Variants in MYO18A observed in about 807,000 individuals in gnomAD.
The protein encoded by MYO18A is unconventional myosin-XVIIIa.
In MYO18A, 78 loss-of-function variants were observed where a neutral mutation model predicts 235.8. The observed-to-expected ratio is 0.33, with a 90% CI of 0.28 to 0.40. The LOEUF (loss-of-function observed/expected upper bound fraction) is 0.40, where lower values mean the gene tolerates loss of function less well. Among genes scored for constraint, MYO18A ranks in the 10% least tolerant of loss-of-function variants. The probability of loss-of-function intolerance (pLI) is 1.00; values close to 1 mark genes in which losing one functional copy is unlikely to be tolerated. For synonymous variants in MYO18A, 977 were observed against 1,077.8 expected (o/e 0.91, Z 1.83); for missense variants, 2,215 against 2,699.3 (o/e 0.82, Z 3.98).
At chr17:29,159,781 G>C (rs1020715157) in intron 2 of MYO18A, among the ~76,000 whole-genome samples, 1 of 152,176 alleles carries the variant, frequency 6.6e-6, no homozygotes, top group African/African-American at 2.4e-5. Context: ...CTACCCAGGG[G>C]TCTAGGGCTT....
Position 29,166,126 on chromosome 17 carries a change from G to A in MYO18A, c.815C>T (p.Pro272Leu). 1 of 1,613,300 alleles carries A rather than the reference G, an allele frequency of 6.2e-7. No homozygotes were observed. Among genetic ancestry groups the A allele is most frequent in the Non-Finnish European group, 8.5e-7 (1 of 1,179,892 alleles). ...ATTAATCTCCACCAGTCGATCTCCT[G>A]GCACCAGCCCCAGGGCCAGGTCCTT... ...GTKDLALGLV[P>L]GDRLVEINGH... The change falls in exon 2 of 42, where the codon CCA becomes CTA. Residue 272 changes from proline (P) to leucine (L), a missense_variant. Pro to Leu is a moderately conservative substitution (Grantham distance 98). Coordinates refer to ENST00000527372, the MANE Select transcript of MYO18A (RefSeq NM_078471.4).
rs754129009 is a variant in MYO18A at position 29,092,725 on chromosome 17, G to T, written c.5073+130C>A. ...CCTGGGGAGTCTAGCTGCTACACGT[G>T]GCTCTCCCCTCTTTCCTGTCACTTT... On this transcript the variant is annotated intron_variant, in intron 33 of 41. Transcript: ENST00000527372. 5.5e-6 allele frequency: 7 copies of T among 1,283,130 alleles called. No homozygotes were observed. The Middle Eastern group carries it at 6.6e-4, about 120-fold the overall frequency. The allele number at this position is 1,283,130 out of a possible 1,614,324, so 79.5% of individuals were successfully genotyped here. A position where few individuals can be genotyped will look rare whatever the true frequency, so the allele number is the denominator to read the frequency against.
intron 21 of MYO18A, among the ~76,000 whole-genome samples, chr17:29,102,618 T>C (rs1049294692): frequency 1.3e-5 from 2 of 151,136 alleles, no homozygotes; most frequent in Non-Finnish European, 3.0e-5. Flanking sequence ...AACCAAGGAA[T>C]AGAGACCAGC....
chr17:29,130,496 A>T (rs866372175), intron 2 of MYO18A, among the ~76,000 whole-genome samples: 11,909 of 148,074 alleles, frequency 0.08, 662 homozygotes, highest in Middle Eastern at 0.12. Flanking sequence ...ACACACACAC[A>T]CACACACACA....
At chr17:29,122,531 T>C (rs1406933582) in intron 2 of MYO18A, among the ~76,000 whole-genome samples, 1 of 152,124 alleles carries the variant, frequency 6.6e-6, no homozygotes, top group Admixed American at 6.5e-5. Flanking sequence ...GACACAGGGA[T>C]CTTGTGCCCA....
At chr17:29,095,854 A>C (rs2066507064) in intron 28 of MYO18A, among the ~76,000 whole-genome samples, 1 of 152,198 alleles carries the variant, frequency 6.6e-6, no homozygotes, top group African/African-American at 2.4e-5. Context: ...GCAGGGCAGC[A>C]CAGTAACTAG....
At position 29,117,960 on chromosome 17, in the gene MYO18A, G is replaced by T; in HGVS notation, c.2038+85C>A. 1 of 1,457,742 alleles carries T rather than the reference G, an allele frequency of 6.9e-7. No individual in the cohort carries two copies. Among genetic ancestry groups the T allele is most frequent in the Non-Finnish European group, 9.3e-7 (1 of 1,077,312 alleles). The allele number at this position is 1,457,742 out of a possible 1,614,324, so 90.3% of individuals were successfully genotyped here. On this transcript the variant is annotated intron_variant, in intron 10 of 41. Transcript: ENST00000527372. The surrounding 1 kb of genome is among the most constrained non-coding windows in gnomAD (Gnocchi z 4.6). ...GTCTCAGAACGGCTAAGTCTGTGCT[G>T]GGCAAGAATAAACTGGGAGTGGGCA...
chr17:29,120,902 G>A lies in MYO18A; in HGVS notation c.1585+96C>T, dbSNP rs778502205. 9.6e-6 allele frequency: 15 copies of A among 1,559,292 alleles called. No homozygotes were observed. The highest frequency in any genetic ancestry group is 2.7e-5 in the African/African-American group (2 of 73,888). ...AGAGGGGTTTCGGGGGGATGGAAAG[G>A]CCAGGGAGAAAAAGAGCTGGCACTT... On this transcript the variant is annotated intron_variant, in intron 6 of 41. Coordinates refer to ENST00000527372, the MANE Select transcript of MYO18A (RefSeq NM_078471.4). This position sits in a 1 kb window ranked among gnomAD's most constrained non-coding sequence, Gnocchi z 4.2.
At chr17:29,170,525 C>T (rs775287674) in intron 1 of MYO18A, among the ~76,000 whole-genome samples, 1 of 152,208 alleles carries the variant, frequency 6.6e-6, no homozygotes, top group Non-Finnish European at 1.5e-5. Context: ...CTATCCCGGG[C>T]TGCAGTTTCC....
At chr17:29,147,381 G>A (rs1270275804) in intron 2 of MYO18A, among the ~76,000 whole-genome samples, 1 of 151,914 alleles carries the variant, frequency 6.6e-6, no homozygotes, top group Non-Finnish European at 1.5e-5. Flanking sequence ...GCTGGGTGTG[G>A]TGGTGGCATG....
rs374576391 is a variant in MYO18A, at chr17:29,087,078, T to A, written c.5570A>T (p.Glu1857Val). 32 of 1,613,956 alleles carry A rather than the reference T, an allele frequency of 2.0e-5. 1 individual carries two copies. In the East Asian group the frequency reaches 2.7e-4, roughly 13 times the overall value. The stretch of plus-strand genomic sequence containing the variant: ...GGCTGCAATGCGCTGATCCCGCTCC[T>A]CAGTCAGCTTCTCCATGTTTTCCTT... ...RLKENMEKLT[E>V]ERDQRIAAEN... The change falls in exon 38 of 42, where the codon GAG becomes GTG. Residue 1857 changes from glutamate (E) to valine (V), a missense_variant. Coordinates refer to ENST00000527372, the MANE Select transcript of MYO18A (RefSeq NM_078471.4).
rs2066527462 is a variant in MYO18A at position 29,096,749 on chromosome 17, G to A, written c.4385+12C>T. 3.1e-6 allele frequency: 5 copies of A among 1,590,122 alleles called. No homozygotes were observed. The highest frequency in any genetic ancestry group is 4.3e-6 in the Non-Finnish European group (5 of 1,167,032). On this transcript the variant is annotated intron_variant, in intron 28 of 41. Coordinates refer to ENST00000527372, the MANE Select transcript of MYO18A (RefSeq NM_078471.4). ...GAAGGTTCTCTGGGCCCAGGGCAGG[G>A]GGCCCACCCACCTCCTCTGCTTCTT...
chr17:29,093,459 T>G, intron 31 of MYO18A, 32 bp from the exon 32 acceptor site: 1 of 1,552,936 alleles, frequency 6.4e-7, no homozygotes, highest in Non-Finnish European at 8.8e-7. Context: ...GACCCGTCCG[T>G]CCCTTTAGTG....
chr17:29,108,257 A>G (rs2066841459), intron 19 of MYO18A, among the ~76,000 whole-genome samples: 1 of 152,048 alleles, frequency 6.6e-6, no homozygotes, highest in Admixed American at 6.5e-5. Flanking sequence ...GGTGACCAAA[A>G]AGACTTGTAG....
At chr17:29,100,604 T>A (rs1217808354) in intron 21 of MYO18A, among the ~76,000 whole-genome samples, 1 of 152,042 alleles carries the variant, frequency 6.6e-6, no homozygotes. Context: ...CAAAGGGAAG[T>A]GTGTGTGAAA....
At position 29,094,866 on chromosome 17, in the gene MYO18A, T is replaced by A. The variant is rs1411195594; in HGVS notation, c.4510-16A>T. 5.6e-6 allele frequency: 9 copies of A among 1,613,902 alleles called. No homozygotes were observed. Among genetic ancestry groups the A allele is most frequent in the African/African-American group, 1.3e-5 (1 of 74,932 alleles). ...TGTCTTTTTCCTGGAGCAAAAGAGA[T>A]GAGGCTGGTGCAGGGCTGACCCCAG... On this transcript the variant is annotated splice_polypyrimidine_tract_variant and intron_variant, in intron 29 of 41. Coordinates refer to ENST00000527372, the MANE Select transcript of MYO18A (RefSeq NM_078471.4).
chr17:29,166,206 G>A lies in MYO18A; in HGVS notation c.735C>T (p.Pro245=), dbSNP rs768371847. 7 of 1,612,794 alleles carry A rather than the reference G, an allele frequency of 4.3e-6. No homozygotes were observed. Among genetic ancestry groups the A allele is most frequent in the South Asian group, 1.1e-5 (1 of 91,084 alleles). ...CCACACGCCGACAGGCCTGGCCCTC[G>A]GGGCCCCGATCCAGCATGGTTGTGC... ...LRRTTMLDRG[P]EGQACRRVVH... Residue 245 remains proline (P), a synonymous_variant, in exon 2 of 42, where the codon CCC becomes CCT. Coordinates refer to ENST00000527372, the MANE Select transcript of MYO18A (RefSeq NM_078471.4).
rs745311924 is a variant in MYO18A, at chr17:29,092,880, C to T, written c.5048G>A (p.Arg1683Gln). 2.3e-5 allele frequency: 37 copies of T among 1,613,830 alleles called. No homozygotes were observed. The highest frequency in any genetic ancestry group is 1.0e-4 in the Admixed American group (6 of 60,010). The part of the protein sequence containing the change: ...DHLKNSAPSK[R>Q]EIAQLKNQLE... Reference sequence around the variant, plus strand: ...CTGGTTCTTGAGCTGGGCAATCTCTCGCTTGCTGGGAGCACTGTTCTTCAG... The same window carrying T: ...CTGGTTCTTGAGCTGGGCAATCTCTTGCTTGCTGGGAGCACTGTTCTTCAG... Residue 1683 changes from arginine to glutamine, a missense_variant, in exon 33 of 42, where the codon CGA becomes CAA. Physicochemically the swap from Arg to Gln is conservative, Grantham distance 43. Coordinates refer to ENST00000527372, the MANE Select transcript of MYO18A (RefSeq NM_078471.4).
chr17:29,140,581 G>T lies in MYO18A; in HGVS notation c.1000-18328C>A. ...AGTGTGTGTGGAAGGGAAGGAGAAG[G>T]CTCTTAGGGTAAAGCCATTGGGGTG... is the stretch of plus-strand genomic sequence containing the variant. On this transcript the variant is annotated intron_variant, in intron 2 of 41. Transcript: ENST00000527372. This position sits in a 1 kb window ranked among gnomAD's most constrained non-coding sequence, Gnocchi z 4.2. 6.0e-6 allele frequency: 2 copies of T among 332,250 alleles called. No individual in the cohort carries two copies. Among genetic ancestry groups the T allele is most frequent in the Non-Finnish European group, 1.0e-5 (2 of 190,794 alleles). The allele number at this position is 332,250 out of a possible 1,614,324, so 20.6% of individuals were successfully genotyped here.
Sources: gnomAD v4.1 joint callset for allele counts (sites outside exome capture counted in the v4.1 genomes callset) on GRCh38, gnomAD v4.1.1 for gene constraint, Gnocchi (gnomAD v3.1) non-coding constraint, MANE v1.5 for transcripts, NCBI Gene and HGNC (gene_info 2026-07-23, HGNC 2026-07-21) for gene names.